CYREN: variants seen among roughly 807,000 people sequenced by gnomAD.
CYREN encodes the protein cell cycle regulator of NHEJ.
Under a neutral mutation model 9.7 loss-of-function variants are expected in CYREN, and 7 were observed. The ratio of observed to expected loss-of-function variants is 0.72; its 90% CI spans 0.41 to 1.36. The LOEUF is 1.36. Among genes scored for constraint, CYREN ranks in the 40% most tolerant of loss-of-function variants. The probability of loss-of-function intolerance (pLI) is 0.01; values close to 1 mark genes in which losing one functional copy is unlikely to be tolerated. For missense variants in CYREN, 215 were observed against 198.1 expected (o/e 1.09, Z -0.51); for synonymous variants, 76 against 77.9 (o/e 0.98, Z 0.13).
downstream of CYREN, among the ~76,000 whole-genome samples, chr7:135,163,307 G>A (rs185104019): frequency 6.6e-6 from 1 of 152,320 alleles, no homozygotes; most frequent in East Asian, 1.9e-4. Flanking sequence ...GGTTTTATGT[G>A]TATGATGGGA....
intron 2 of CYREN, chr7:135,147,934 TAA>T (rs1204685762): frequency 2.2e-6 from 1 of 455,792 alleles, no homozygotes; most frequent in Non-Finnish European, 4.4e-6. Context: ...ACAGTGTAGG[TAA>T]AGAGTATGTC....
At chr7:135,128,936 T>C in intron 2 of CYREN, 2 of 1,560,142 alleles carry the variant, frequency 1.3e-6, no homozygotes, top group South Asian at 2.2e-5. Flanking sequence ...GCAATATCTG[T>C]TTCTGTAAGA....
At chr7:135,159,617 A>C (rs931584656) in intron 2 of CYREN, among the ~76,000 whole-genome samples, 1 of 152,246 alleles carries the variant, frequency 6.6e-6, no homozygotes, top group Admixed American at 6.5e-5. Flanking sequence ...CAGAGGACCT[A>C]GTGCAGCAAA....
chr7:135,115,094 G>A (rs1826140541), intron 2 of CYREN, among the ~76,000 whole-genome samples: 1 of 152,054 alleles, frequency 6.6e-6, no homozygotes, highest in African/African-American at 2.4e-5. Context: ...ACTTCCATGA[G>A]ATGTCAGCTT....
At chr7:135,167,851 G>C in intron 2 of CYREN, 44 bp from the exon 3 acceptor site, 1 of 1,613,408 alleles carries the variant, frequency 6.2e-7, no homozygotes, top group Non-Finnish European at 8.5e-7. Flanking sequence ...AGACTCTCAA[G>C]TCTCATAAGG....
At chr7:135,164,387 A>AGATG, downstream of CYREN, 1 of 1,512,448 alleles carries the variant, frequency 6.6e-7, no homozygotes, top group Non-Finnish European at 9.1e-7. Flanking sequence ...AGCAAGGGAG[A>AGATG]GATGGACTGA....
intron 2 of CYREN, among the ~76,000 whole-genome samples, chr7:135,123,093 G>A (rs570262326): frequency 1.6e-4 from 25 of 152,174 alleles, no homozygotes; most frequent in Admixed American, 7.2e-4. Context: ...AATAAAAAAC[G>A]GCTCTGAGCT....
intron 2 of CYREN, among the ~76,000 whole-genome samples, chr7:135,098,733 T>G (rs1166785792): frequency 1.3e-5 from 2 of 152,180 alleles, no homozygotes; most frequent in East Asian, 3.8e-4. Flanking sequence ...TGCAGGCAGT[T>G]CAGAGAAGTA....
intron 2 of CYREN, among the ~76,000 whole-genome samples, chr7:135,139,416 CT>C (rs200823046): frequency 9.5e-4 from 137 of 143,922 alleles, no homozygotes; most frequent in East Asian, 8.3e-3. Context: ...GTCCTTTGCC[CT>C]TTTTTTTTTA....
Position 135,118,968 on chromosome 7 carries a change from G to C in CYREN, n.357-24386C>G, listed in dbSNP as rs980170433. ...ATAGAAAAATAGAAATTACCCAACT[G>C]AACATAAGAGAAAAAATAGGCTTAA... On this transcript the variant is annotated intron_variant and non_coding_transcript_variant, in intron 2 of 2. Coordinates refer to the CYREN transcript ENST00000459937. Among the ~76,000 whole-genome samples, 49 of 152,040 alleles carry C rather than the reference G, an allele frequency of 3.2e-4. 1 individual carries two copies. Among genetic ancestry groups the C allele is most frequent in the African/African-American group, 9.9e-4 (41 of 41,414 alleles).
chr7:135,127,235 ACATTCAT>A (rs1403749731), intron 2 of CYREN, among the ~76,000 whole-genome samples: 3 of 152,242 alleles, frequency 2.0e-5, no homozygotes, highest in Non-Finnish European at 2.9e-5. Context: ...TCAAAAGAAG[ACATTCAT>A]GCAGCCAACA....
At chr7:135,110,979 T>C (rs1037287420) in intron 2 of CYREN, among the ~76,000 whole-genome samples, 3 of 152,220 alleles carry the variant, frequency 2.0e-5, no homozygotes, top group African/African-American at 7.2e-5. Flanking sequence ...AATTTATATA[T>C]ACATATACTT....
chr7:135,148,342 T>C, intron 2 of CYREN: 1 of 333,344 alleles, frequency 3.0e-6, no homozygotes, highest in South Asian at 2.5e-5. Context: ...TTTGTTTTCT[T>C]CTCAGATATT....
exon 3 of CYREN, chr7:135,093,479 A>T (rs1822175687): frequency 6.6e-6 from 1 of 152,224 alleles, no homozygotes; most frequent in South Asian, 2.1e-4. Flanking sequence ...ACATTTAAAA[A>T]ATGAAATTAA....
rs992054813 is a variant in CYREN, at chr7:135,143,480, G to T, written n.356+25269C>A. 2.0e-5 allele frequency among the ~76,000 whole-genome samples: 3 copies of T among 152,072 alleles called. No individual in the cohort carries two copies. The East Asian group carries it at 5.8e-4, about 29-fold the overall frequency. On this transcript the variant is annotated intron_variant and non_coding_transcript_variant, in intron 2 of 2. Transcript: ENST00000459937. ...CCTTCACAAAAATTAACTGAAAATG[G>T]ATCACAGACCTAAATGTAAAATGCA... is the stretch of plus-strand genomic sequence containing the variant.
At chr7:135,164,467 G>A (rs893342236), downstream of CYREN, 6 of 1,599,432 alleles carry the variant, frequency 3.8e-6, no homozygotes, top group East Asian at 2.3e-5. Flanking sequence ...CCTCGGTGGC[G>A]CGACCAGCTG....
chr7:135,094,964 G>A (rs1008975851), intron 2 of CYREN, among the ~76,000 whole-genome samples: 4 of 152,176 alleles, frequency 2.6e-5, no homozygotes, highest in Admixed American at 2.0e-4. Context: ...GAGCACAGAT[G>A]TTTGCAAAGG....
chr7:135,128,909 T>C lies in CYREN; in HGVS notation n.357-34327A>G, dbSNP rs934781835. 3.4e-6 allele frequency: 5 copies of C among 1,470,670 alleles called. No homozygotes were observed. The African/African-American group carries it at 5.6e-5, about 16-fold the overall frequency. 91.1% of individuals were successfully genotyped at this position (1,470,670 alleles called of 1,614,324 possible). A position where few individuals can be genotyped will look rare whatever the true frequency, so the allele number is the denominator to read the frequency against. On this transcript the variant is annotated intron_variant and non_coding_transcript_variant, in intron 2 of 2. Coordinates refer to the CYREN transcript ENST00000459937. ...AAGCTCAGCAGATAAAATGCTTTAATAGTAATTTGTTCCTGTGCAATATCT... is the reference window on the plus strand; with the variant it reads ...AAGCTCAGCAGATAAAATGCTTTAACAGTAATTTGTTCCTGTGCAATATCT...
At chr7:135,133,069 A>G (rs915905573) in intron 2 of CYREN, among the ~76,000 whole-genome samples, 35 of 15,120 alleles carry the variant, frequency 2.3e-3, no homozygotes, top group East Asian at 0.018. Flanking sequence ...GCATGCGTGC[A>G]CACACACACA....
Sources: gnomAD v4.1 joint callset for allele counts (sites outside exome capture counted in the v4.1 genomes callset) on GRCh38, gnomAD v4.1.1 for gene constraint, MANE v1.5 for transcripts, NCBI Gene and HGNC (gene_info 2026-07-23, HGNC 2026-07-21) for gene names.